CSNK1E: variants seen among roughly 807,000 people sequenced by gnomAD.
CSNK1E encodes the protein casein kinase 1 epsilon, also known as casein kinase I isoform epsilon.
In CSNK1E, 17 loss-of-function variants were observed where a neutral mutation model predicts 46.1. The observed-to-expected ratio is 0.37, with a 90% CI of 0.25 to 0.55. The LOEUF is 0.55. Ranked by LOEUF, CSNK1E falls within the 20% of genes least tolerant of loss-of-function variation. The pLI, the probability that CSNK1E is intolerant of heterozygous loss-of-function variation, is 0.82. For missense variants in CSNK1E, 386 were observed against 595.4 expected (o/e 0.65, Z 3.66); for synonymous variants, 241 against 242.6 (o/e 0.99, Z 0.06).
intron 2 of CSNK1E, among the ~76,000 whole-genome samples, chr22:38,308,985 C>T (rs146691282): frequency 9.7e-4 from 148 of 152,316 alleles, no homozygotes; most frequent in Non-Finnish European, 1.8e-3. Flanking sequence ...TGTGTGATCA[C>T]AGGATCTCTC....
rs1352334077 is a variant in CSNK1E, at chr22:38,301,314, C to T, written c.337-362G>A. Among the ~76,000 whole-genome samples the T allele has an allele frequency of 5.3e-5, 8 of 152,156 alleles. No homozygotes were observed. In the South Asian group the frequency reaches 1.0e-3, roughly 20 times the overall value. On this transcript the variant is annotated intron_variant, in intron 4 of 10. Coordinates refer to ENST00000396832, the MANE Select transcript of CSNK1E (RefSeq NM_152221.3). Reference sequence around the variant, plus strand: ...GAGCCAGAGAGGCAACAGATGTGGGCGAGGGGCAGGCAGGGAACATGGGGG... The same window carrying T: ...GAGCCAGAGAGGCAACAGATGTGGGTGAGGGGCAGGCAGGGAACATGGGGG...
intron 2 of CSNK1E, among the ~76,000 whole-genome samples, chr22:38,305,434 A>T (rs1476191435): frequency 1.8e-3 from 11 of 6,142 alleles, no homozygotes; most frequent in Admixed American, 3.0e-3. Flanking sequence ...AAGCCATTTA[A>T]AAAAAAAAAA....
chr22:38,297,492 G>A, intron 7 of CSNK1E: 1 of 876,188 alleles, frequency 1.1e-6, no homozygotes, highest in Non-Finnish European at 1.4e-6. Flanking sequence ...CCAGAGAGAA[G>A]AGAAGCCCAA....
intron 7 of CSNK1E, chr22:38,297,696 G>A (rs1193126194): frequency 2.4e-5 from 24 of 994,302 alleles, no homozygotes; most frequent in Non-Finnish European, 2.6e-5. Flanking sequence ...GTTCCCACCA[G>A]GCCCCTTGTG....
rs956520108 is a variant in CSNK1E at position 38,300,647 on chromosome 22, G to A, written c.565+77C>T. 39 of 1,396,072 alleles carry A rather than the reference G, an allele frequency of 2.8e-5. No homozygotes were observed. The African/African-American group carries it at 4.4e-4, about 16-fold the overall frequency. The allele number at this position is 1,396,072 out of a possible 1,614,324, so 86.5% of individuals were successfully genotyped here. A position where few individuals can be genotyped will look rare whatever the true frequency, so the allele number is the denominator to read the frequency against. On this transcript the variant is annotated intron_variant, in intron 5 of 10. Transcript: ENST00000396832. This position sits in a 1 kb window ranked among gnomAD's most constrained non-coding sequence, Gnocchi z 4.4. ...AGCCTGGGGGCCTCCATCAGGGTAGGGGGTGAGAGGGCTCCAGAGAGCTGG... is the reference window on the plus strand; with the variant it reads ...AGCCTGGGGGCCTCCATCAGGGTAGAGGGTGAGAGGGCTCCAGAGAGCTGG...
At chr22:38,301,254 C>T (rs1428467223) in intron 4 of CSNK1E, among the ~76,000 whole-genome samples, 1 of 152,220 alleles carries the variant, frequency 6.6e-6, no homozygotes, top group African/African-American at 2.4e-5. Flanking sequence ...CCATGGAAGG[C>T]TTGCCTGCCC....
At chr22:38,296,734 AT>A (rs759824131) in intron 7 of CSNK1E, 24 of 1,591,866 alleles carry the variant, frequency 1.5e-5, no homozygotes, top group Admixed American at 1.1e-4. Flanking sequence ...GTGAGACTCC[AT>A]AAGGGAGGAA....
chr22:38,314,129 C>T lies in CSNK1E; in HGVS notation c.29G>A (p.Arg10His), dbSNP rs2092733221. Residue 10 changes from arginine (R) to histidine (H), a missense_variant, in exon 2 of 11, where the codon CGC (arginine) becomes CAC (histidine). Arg to His is a conservative substitution (Grantham distance 29, BLOSUM62 0). Transcript: ENST00000396832. MELRVGNKY[R>H]LGRKIGSGSF... ...CCCGCTCCCGATCTTCCGTCCCAGG[C>T]GGTACTTGTTCCCCACACGTAGCTC... 2.5e-6 allele frequency: 4 copies of T among 1,614,078 alleles called. No homozygotes were observed. The African/African-American group carries it at 4.0e-5, about 16-fold the overall frequency.
chr22:38,292,527 CTT>C (rs1162073538), intron 10 of CSNK1E: 1 of 152,296 alleles, frequency 6.6e-6, no homozygotes, highest in Non-Finnish European at 1.5e-5. Context: ...CCTCCACTCT[CTT>C]GTGTGGATGA....
At chr22:38,312,605 T>C (rs1046647390) in intron 2 of CSNK1E, among the ~76,000 whole-genome samples, 1 of 152,210 alleles carries the variant, frequency 6.6e-6, no homozygotes, top group Admixed American at 6.5e-5. Context: ...TCCCTCCCTC[T>C]GAGCTCCAGG....
intron 7 of CSNK1E, chr22:38,297,081 C>T (rs1434661739): frequency 2.6e-6 from 2 of 770,340 alleles, no homozygotes; most frequent in Non-Finnish European, 4.8e-6. Flanking sequence ...GCCGACATTT[C>T]CAGTCTTGAT....
At chr22:38,296,862 C>A (rs1602543315) in intron 7 of CSNK1E, 10 of 732,036 alleles carry the variant, frequency 1.4e-5, no homozygotes, top group African/African-American at 8.8e-5. Context: ...CCAATCTCTG[C>A]CTCCTGGGTT....
intron 10 of CSNK1E, chr22:38,292,972 G>T: frequency 2.2e-6 from 1 of 463,034 alleles, no homozygotes. Flanking sequence ...TCCAAAATAT[G>T]TTAAGGCAGA....
At position 38,305,121 on chromosome 22, in the gene CSNK1E, CAAAAAAAAAAAAA is replaced by C. The variant is rs33987200; in HGVS notation, c.77-1886_77-1874del. Among the ~76,000 whole-genome samples, 261 of 52,856 alleles carry C rather than the reference CAAAAAAAAAAAAA, an allele frequency of 4.9e-3. 2 individuals carry two copies. The highest frequency in any genetic ancestry group is 0.019 in the Middle Eastern group (1 of 52). 34.7% of individuals were successfully genotyped at this position (52,856 alleles called of 152,430 possible). A position where few individuals can be genotyped will look rare whatever the true frequency, so the allele number is the denominator to read the frequency against. The stretch of plus-strand genomic sequence containing the variant: ...TGGGTGACGGAGTGAAACTCCAGCT[CAAAAAAAAAAAAA>C]AAAAAAAAAAAAAGAAGAGTGCAAG... On this transcript the variant is annotated intron_variant, in intron 2 of 10. Transcript: ENST00000396832.
chr22:38,313,451 C>T (rs1467184133), intron 2 of CSNK1E, among the ~76,000 whole-genome samples: 1 of 152,234 alleles, frequency 6.6e-6, no homozygotes, highest in Non-Finnish European at 1.5e-5. Flanking sequence ...AAGGCGCAAG[C>T]CTCATTTCTC....
Position 38,317,405 on chromosome 22 carries a change from C to CCGCCCGCCCCCGCCGCCGGCT in CSNK1E, c.-259_-258insAGCCGGCGGCGGGGGCGGGCG, listed in dbSNP as rs1166775948. The CCGCCCGCCCCCGCCGCCGGCT allele has an allele frequency of 2.1e-4, 27 of 131,416 alleles. No homozygotes were observed. The East Asian group carries it at 6.0e-3, about 29-fold the overall frequency. 8.1% of individuals were successfully genotyped at this position (131,416 alleles called of 1,614,324 possible). ...TCCTCCCGGCCTCCTGCCCGCCCGC[C>CCGCCCGCCCCCGCCGCCGGCT]CGCCCCCGCCGCCGGCTCGCGCGCT... On this transcript the variant is annotated 5_prime_UTR_variant, in exon 1 of 11. Transcript: ENST00000396832.
Position 38,302,947 on chromosome 22 carries a change from G to C in CSNK1E, c.250C>G (p.Leu84Val). The change falls in exon 4 of 11, where the codon CTG becomes GTG. Residue 84 changes from leucine (L) to valine (V), a missense_variant. Coordinates refer to ENST00000396832, the MANE Select transcript of CSNK1E (RefSeq NM_152221.3). ...AGGTCCTCGAGGCTAGGCCCCAGCA[G>C]CTCCATGACCATCACGTTGTAGTCG... The part of the protein sequence containing the change: ...EGDYNVMVME[L>V]LGPSLEDLFN... 2 of 1,614,130 alleles carry C rather than the reference G, an allele frequency of 1.2e-6. No individual in the cohort carries two copies. Among genetic ancestry groups the C allele is most frequent in the Non-Finnish European group, 1.7e-6 (2 of 1,180,012 alleles).
At chr22:38,308,848 G>A (rs965869760) in intron 2 of CSNK1E, among the ~76,000 whole-genome samples, 3 of 152,198 alleles carry the variant, frequency 2.0e-5, no homozygotes, top group African/African-American at 4.8e-5. Context: ...AGCAGCAGGT[G>A]CAGCGGGAAC....
rs1269007741 is a variant in CSNK1E, at chr22:38,300,510, G to A, written c.565+214C>T. 6.6e-6 allele frequency among the ~76,000 whole-genome samples: 1 copy of A among 152,252 alleles called. No homozygotes were observed. The highest frequency in any genetic ancestry group is 1.5e-5 in the Non-Finnish European group (1 of 68,050). ...CGGAGGAGGAAGCAGGGCCAGGGAA[G>A]GCGCCCGGCACACACAGCTTGGCTT... On this transcript the variant is annotated intron_variant, in intron 5 of 10. Coordinates refer to ENST00000396832, the MANE Select transcript of CSNK1E (RefSeq NM_152221.3). The surrounding 1 kb of genome is among the most constrained non-coding windows in gnomAD (Gnocchi z 4.4).
Sources: allele counts gnomAD v4.1 joint callset (sites outside exome capture counted in the v4.1 genomes callset), GRCh38; gene constraint gnomAD v4.1.1; non-coding constraint Gnocchi (gnomAD v3.1); transcripts MANE v1.5; gene names NCBI Gene and HGNC (gene_info 2026-07-23, HGNC 2026-07-21).